Variants in KCNJ6 observed in about 807,000 individuals in gnomAD.
KCNJ6 encodes potassium inwardly rectifying channel subfamily J member 6.
Under a neutral mutation model 34.2 loss-of-function variants are expected in KCNJ6, and 9 were observed. That is an observed-to-expected ratio of 0.26 (90% CI 0.16 to 0.46). The LOEUF (loss-of-function observed/expected upper bound fraction) is 0.46, where lower values mean the gene tolerates loss of function less well. Ranked by LOEUF, KCNJ6 falls within the 20% of genes least tolerant of loss-of-function variation. The probability of loss-of-function intolerance (pLI) is 1.00; values close to 1 mark genes in which losing one functional copy is unlikely to be tolerated. For missense variants in KCNJ6, 236 were observed against 531.3 expected, an observed-to-expected ratio of 0.44 and a Z score of 5.46; for synonymous variants, 196 against 207.1, an observed-to-expected ratio of 0.95 and a Z score of 0.46.
At chr21:37,809,759 A>G (rs1031394526) in intron 2 of KCNJ6, among the ~76,000 whole-genome samples, 2 of 152,176 alleles carry the variant, frequency 1.3e-5, no homozygotes, top group Non-Finnish European at 2.9e-5. Flanking sequence ...AGACATGAGC[A>G]TGGTATGTGT....
chr21:37,698,409 G>A (rs1378255955), intron 3 of KCNJ6, among the ~76,000 whole-genome samples: 1 of 152,182 alleles, frequency 6.6e-6, no homozygotes, highest in Non-Finnish European at 1.5e-5. Context: ...TGCGGGAGGG[G>A]GGCTCATGGT....
intron 3 of KCNJ6, among the ~76,000 whole-genome samples, chr21:37,691,241 T>C (rs929768909): frequency 1.3e-5 from 2 of 152,290 alleles, no homozygotes; most frequent in Middle Eastern, 3.4e-3. Context: ...GGACAACAAT[T>C]TCCTGGCACC....
chr21:37,840,521 G>A (rs975669499), intron 2 of KCNJ6, 137 bp downstream of exon 2: 3 of 613,012 alleles, frequency 4.9e-6, no homozygotes, highest in East Asian at 2.7e-5. Context: ...ATGATGCAGT[G>A]TGTGTGAAAC....
At position 37,609,589 on chromosome 21, in the gene KCNJ6, A is replaced by G. The variant is rs2054235497; in HGVS notation, c.*15570T>C. ...TACAATGAATTATCTTATGATTAAT[A>G]ATGAAAAGTGGCCACTATTTTCCAT... On this transcript the variant is annotated 3_prime_UTR_variant, in exon 4 of 4. Transcript: ENST00000609713. 1 of 152,234 alleles carries G rather than the reference A, an allele frequency of 6.6e-6. No individual in the cohort carries two copies. Among genetic ancestry groups the G allele is most frequent in the Non-Finnish European group, 1.5e-5 (1 of 68,044 alleles). The allele number at this position is 152,234 out of a possible 1,614,324, so 9.4% of individuals were successfully genotyped here.
At chr21:37,627,659 G>A (rs564515219) in intron 3 of KCNJ6, among the ~76,000 whole-genome samples, 2 of 152,336 alleles carry the variant, frequency 1.3e-5, no homozygotes, top group African/African-American at 4.8e-5. Flanking sequence ...TTCACAGGGA[G>A]CTTTGGAAAG....
At chr21:37,766,174 G>A (rs62221960) in intron 2 of KCNJ6, among the ~76,000 whole-genome samples, 25,974 of 152,114 alleles carry the variant, frequency 0.17, 2,764 homozygotes, top group South Asian at 0.25. Context: ...TGTATGGTTC[G>A]GGAAACTGTT....
chr21:37,828,819 C>G (rs1313284823), intron 2 of KCNJ6, among the ~76,000 whole-genome samples: 2 of 152,212 alleles, frequency 1.3e-5, no homozygotes, highest in African/African-American at 2.4e-5. Flanking sequence ...GTGGACTGTC[C>G]ACGCTTCCCT....
At chr21:37,710,147 G>A (rs2054743779) in intron 3 of KCNJ6, among the ~76,000 whole-genome samples, 1 of 152,132 alleles carries the variant, frequency 6.6e-6, no homozygotes, top group Non-Finnish European at 1.5e-5. Flanking sequence ...AACCTTATTT[G>A]TATCCTGATT....
intron 1 of KCNJ6, among the ~76,000 whole-genome samples, chr21:37,851,260 C>G (rs535566385): frequency 6.6e-6 from 1 of 152,274 alleles, no homozygotes; most frequent in South Asian, 2.1e-4. Context: ...GTCAATAGGA[C>G]AGCAGAGAGT....
chr21:37,624,830 T>A lies in KCNJ6; in HGVS notation c.*329A>T, dbSNP rs909855934. On this transcript the variant is annotated 3_prime_UTR_variant, in exon 4 of 4. Transcript: ENST00000609713. ...CCCAGGTAAAATCTTTGACACACCT[T>A]TTTGAGTGATCTGGTATTGTACAAC... 1.5e-5 allele frequency: 4 copies of A among 260,674 alleles called. No individual in the cohort carries two copies. The East Asian group carries it at 3.5e-4, about 23-fold the overall frequency. The allele number at this position is 260,674 out of a possible 1,614,324, so 16.1% of individuals were successfully genotyped here.
intron 3 of KCNJ6, among the ~76,000 whole-genome samples, chr21:37,661,497 A>T (rs1041121924): frequency 3.3e-5 from 5 of 152,144 alleles, no homozygotes; most frequent in Non-Finnish European, 5.9e-5. Flanking sequence ...TATCTAAACT[A>T]ATAAAGATTG....
intron 2 of KCNJ6, among the ~76,000 whole-genome samples, chr21:37,796,148 C>A (rs190268163): frequency 6.6e-6 from 1 of 152,120 alleles, no homozygotes; most frequent in Non-Finnish European, 1.5e-5. Flanking sequence ...TTGCATCCAG[C>A]GCTTTCTCCC....
At chr21:37,631,367 C>A (rs1463596641) in intron 3 of KCNJ6, among the ~76,000 whole-genome samples, 16 of 152,288 alleles carry the variant, frequency 1.1e-4, no homozygotes, top group Non-Finnish European at 2.9e-5. Flanking sequence ...GAAGGACCCT[C>A]AGCTAAAATA....
chr21:37,759,851 C>T (rs2055051560), intron 2 of KCNJ6, among the ~76,000 whole-genome samples: 1 of 152,222 alleles, frequency 6.6e-6, no homozygotes, highest in African/African-American at 2.4e-5. Flanking sequence ...CAGATGAGAA[C>T]ATGGCAGAAG....
intron 1 of KCNJ6, among the ~76,000 whole-genome samples, chr21:37,853,145 T>TAA (rs796751868): frequency 5.1e-4 from 57 of 111,136 alleles, no homozygotes; most frequent in African/African-American, 1.2e-3. Flanking sequence ...TTTTTCAAAT[T>TAA]AAAAAAAAAA....
chr21:37,687,018 G>C (rs1009541300), intron 3 of KCNJ6, among the ~76,000 whole-genome samples: 1 of 152,184 alleles, frequency 6.6e-6, no homozygotes, highest in African/African-American at 2.4e-5. Context: ...TCTGAGGAAA[G>C]TGAGGCCCAG....
At chr21:37,759,843 G>A (rs890566961) in intron 2 of KCNJ6, among the ~76,000 whole-genome samples, 5 of 152,218 alleles carry the variant, frequency 3.3e-5, no homozygotes, top group Admixed American at 6.5e-5. Flanking sequence ...CCGTTCTGCA[G>A]ATGAGAACAT....
rs59026391 is a variant in KCNJ6, at chr21:37,661,614, G to GTTTTTTTTTTTTTTTTTTTTTT, written c.947-36152_947-36131dup. 7.3e-4 allele frequency among the ~76,000 whole-genome samples: 52 copies of GTTTTTTTTTTTTTTTTTTTTTT among 71,186 alleles called. 10 individuals are homozygous for GTTTTTTTTTTTTTTTTTTTTTT. Among genetic ancestry groups the GTTTTTTTTTTTTTTTTTTTTTT allele is most frequent in the Non-Finnish European group, 9.9e-4 (38 of 38,268 alleles). 46.7% of individuals were successfully genotyped at this position (71,186 alleles called of 152,430 possible). Reference sequence around the variant, plus strand: ...TCCACCCATTTCCTTAAGAGACATAGTTTTTTTTTTTTTTTTTTTTTTTTT... The same window carrying GTTTTTTTTTTTTTTTTTTTTTT: ...TCCACCCATTTCCTTAAGAGACATAGTTTTTTTTTTTTTTTTTTTTTTTTTTTTTTTTTTTTTTTTTTTTTTT... On this transcript the variant is annotated intron_variant, in intron 3 of 3. Transcript: ENST00000609713.
intron 3 of KCNJ6, among the ~76,000 whole-genome samples, chr21:37,684,814 C>T (rs968065507): frequency 5.3e-5 from 8 of 152,194 alleles, no homozygotes; most frequent in African/African-American, 1.7e-4. Flanking sequence ...AAAAATTAAA[C>T]TGTTGAAAGC....
Sources: allele counts gnomAD v4.1 joint callset (sites outside exome capture counted in the v4.1 genomes callset), GRCh38; gene constraint gnomAD v4.1.1; transcripts MANE v1.5; gene names NCBI Gene and HGNC (gene_info 2026-07-23, HGNC 2026-07-21).